PTPRD: variants seen among roughly 807,000 people sequenced by gnomAD.
PTPRD encodes receptor-type tyrosine-protein phosphatase delta.
Under a neutral mutation model 214.5 loss-of-function variants are expected in PTPRD, and 34 were observed. The observed-to-expected ratio is 0.16, with a 90% CI of 0.12 to 0.21. PTPRD has a LOEUF of 0.21. PTPRD is among the 10% of genes least tolerant of loss of function. PTPRD has a pLI of 1.00. For synonymous variants in PTPRD, 1,128 were observed against 845.7 expected, an observed-to-expected ratio of 1.33 and a Z score of -5.79; for missense variants, 2,545 against 2,398.7, an observed-to-expected ratio of 1.06 and a Z score of -1.27.
At chr9:8,378,547 G>A (rs1303992961) in intron 37 of PTPRD, among the ~76,000 whole-genome samples, 3 of 152,078 alleles carry the variant, frequency 2.0e-5, no homozygotes, top group Non-Finnish European at 4.4e-5. Flanking sequence ...TAATATTCAA[G>A]AAGATGCCAA....
chr9:9,243,121 G>T (rs965310990), intron 9 of PTPRD, among the ~76,000 whole-genome samples: 1 of 152,168 alleles, frequency 6.6e-6, no homozygotes, highest in South Asian at 2.1e-4. Flanking sequence ...GACCCTGTTT[G>T]CCTGGGTATC....
intron 11 of PTPRD, among the ~76,000 whole-genome samples, chr9:8,765,055 T>C (rs927844688): frequency 6.6e-6 from 1 of 152,110 alleles, no homozygotes; most frequent in Non-Finnish European, 1.5e-5. Flanking sequence ...TATGATAAAA[T>C]GATTATCTAG....
At chr9:9,236,809 G>C (rs547702314) in intron 9 of PTPRD, among the ~76,000 whole-genome samples, 1 of 152,086 alleles carries the variant, frequency 6.6e-6, no homozygotes, top group Non-Finnish European at 1.5e-5. Flanking sequence ...AATGGCCAGA[G>C]AGAAATGTGT....
intron 11 of PTPRD, among the ~76,000 whole-genome samples, chr9:8,950,632 C>G (rs1478599433): frequency 6.6e-6 from 1 of 151,756 alleles, no homozygotes; most frequent in Non-Finnish European, 1.5e-5. Context: ...TATAATGGAG[C>G]AAGTATCCAT....
At chr9:8,709,514 C>CAAAAAAAAAAAAAAAAAAAAAAAAAAA (rs758112672) in intron 12 of PTPRD, among the ~76,000 whole-genome samples, 1 of 56,332 alleles carries the variant, frequency 1.8e-5, no homozygotes, top group Non-Finnish European at 3.4e-5. Flanking sequence ...GACTCCATCT[C>CAAAAAAAAAAAAAAAAAAAAAAAAAAA]AAAAAAAAAA....
At chr9:10,126,971 A>G (rs541646851) in intron 3 of PTPRD, among the ~76,000 whole-genome samples, 1 of 139,148 alleles carries the variant, frequency 7.2e-6, no homozygotes, top group South Asian at 2.1e-4. Context: ...TTTGGCAGAA[A>G]CACTGCACAT....
At chr9:8,493,770 A>G (rs1429352164) in intron 26 of PTPRD, among the ~76,000 whole-genome samples, 2 of 152,170 alleles carry the variant, frequency 1.3e-5, no homozygotes, top group Admixed American at 6.5e-5. Context: ...AAATTGTTAA[A>G]TATCACATAC....
At chr9:10,458,707 G>T (rs182736648) in intron 2 of PTPRD, among the ~76,000 whole-genome samples, 256 of 152,106 alleles carry the variant, frequency 1.7e-3, no homozygotes, top group Admixed American at 3.7e-3. Flanking sequence ...ACAAGAAAAA[G>T]AAATAAATGC....
intron 11 of PTPRD, among the ~76,000 whole-genome samples, chr9:8,972,901 T>A (rs1314794266): frequency 1.3e-5 from 2 of 151,942 alleles, no homozygotes; most frequent in African/African-American, 4.8e-5. Context: ...TAACTTGTTT[T>A]TGAGTGGATC....
intron 10 of PTPRD, among the ~76,000 whole-genome samples, chr9:9,111,116 C>T (rs922172079): frequency 6.7e-6 from 1 of 149,008 alleles, no homozygotes; most frequent in Non-Finnish European, 1.5e-5. Flanking sequence ...AGGTCAGGAA[C>T]ATCTGACCTA....
intron 9 of PTPRD, among the ~76,000 whole-genome samples, chr9:9,205,405 T>C (rs975907676): frequency 2.0e-5 from 3 of 152,308 alleles, no homozygotes; most frequent in Non-Finnish European, 4.4e-5. Flanking sequence ...TGATCATGTA[T>C]ATCTAATTAT....
At chr9:9,856,079 G>A (rs1192277689) in intron 5 of PTPRD, among the ~76,000 whole-genome samples, 1 of 152,174 alleles carries the variant, frequency 6.6e-6, no homozygotes, top group East Asian at 1.9e-4. Context: ...AGTGGGAAGG[G>A]GAGCTGAGAA....
At chr9:9,071,218 A>T (rs2154409500) in intron 10 of PTPRD, among the ~76,000 whole-genome samples, 1 of 152,260 alleles carries the variant, frequency 6.6e-6, no homozygotes, top group East Asian at 1.9e-4. Flanking sequence ...CTCTACCCTG[A>T]ACTTTTATAT....
intron 44 of PTPRD, among the ~76,000 whole-genome samples, chr9:8,323,196 C>A (rs943673422): frequency 6.6e-6 from 1 of 152,112 alleles, no homozygotes; most frequent in Admixed American, 6.6e-5. Flanking sequence ...ATAAAAGATT[C>A]TTTTCAAGAT....
intron 4 of PTPRD, among the ~76,000 whole-genome samples, chr9:10,033,412 T>A (rs983591453): frequency 2.0e-5 from 3 of 151,836 alleles, no homozygotes; most frequent in African/African-American, 7.2e-5. Context: ...GGTGTCAATA[T>A]ATATAATATT....
intron 11 of PTPRD, among the ~76,000 whole-genome samples, chr9:8,909,161 C>T (rs2098729330): frequency 6.6e-6 from 1 of 151,894 alleles, no homozygotes; most frequent in East Asian, 1.9e-4. Flanking sequence ...AAGATAAGCC[C>T]AAGATCACAT....
intron 2 of PTPRD, among the ~76,000 whole-genome samples, chr9:10,401,478 A>T (rs530207641): frequency 6.6e-6 from 1 of 150,992 alleles, no homozygotes; most frequent in Non-Finnish European, 1.5e-5. Context: ...GGTATTAGAT[A>T]TGAAAATGGT....
chr9:10,550,811 C>T (rs2061174081), intron 2 of PTPRD, among the ~76,000 whole-genome samples: 1 of 152,208 alleles, frequency 6.6e-6, no homozygotes, highest in Non-Finnish European at 1.5e-5. Context: ...AAGAAAGGTG[C>T]CACCAGTGGC....
At chr9:8,724,970 T>C (rs1034809280) in intron 12 of PTPRD, among the ~76,000 whole-genome samples, 2 of 151,980 alleles carry the variant, frequency 1.3e-5, no homozygotes, top group African/African-American at 2.4e-5. Flanking sequence ...TAAAAATAAG[T>C]GCATGTAAAA....
Sources: allele counts gnomAD v4.1 joint callset (sites outside exome capture counted in the v4.1 genomes callset), GRCh38; gene constraint gnomAD v4.1.1; transcripts MANE v1.5; gene names NCBI Gene and HGNC (gene_info 2026-07-23, HGNC 2026-07-21).